Variants in PIAS3 observed in about 807,000 individuals in gnomAD.
PIAS3 encodes the protein E3 SUMO-protein ligase PIAS3.
In PIAS3, 34 loss-of-function variants were observed where a neutral mutation model predicts 67.6. The ratio of observed to expected loss-of-function variants is 0.50; its 90% CI spans 0.38 to 0.67. The LOEUF (loss-of-function observed/expected upper bound fraction) is 0.67, where lower values mean the gene tolerates loss of function less well. Ranked by LOEUF, PIAS3 falls within the 30% of genes least tolerant of loss-of-function variation. PIAS3 has a pLI of 0.00. For missense variants in PIAS3, 693 were observed against 791.6 expected (o/e 0.88, Z 1.49); for synonymous variants, 341 against 313.8 (o/e 1.09, Z -0.92).
At chr1:145,853,732 T>C (rs1335727641) in intron 8 of PIAS3, 68 bp from the exon 9 acceptor site, 1 of 1,606,768 alleles carries the variant, frequency 6.2e-7, no homozygotes, top group Non-Finnish European at 8.5e-7. Flanking sequence ...TTCACGCCAG[T>C]ATCCCTAGGA....
chr1:145,856,001 C>G lies in PIAS3; in HGVS notation c.578+67G>C, dbSNP rs1267747442. ...GAGCAGGGACATCTCGTAAGGGTAT[C>G]TGTCATACCCCTACTTCACTCCTAC... On this transcript the variant is annotated intron_variant, in intron 4 of 13. Transcript: ENST00000393045. The G allele has an allele frequency of 3.1e-6, 4 of 1,276,732 alleles. No homozygotes were observed. In the African/African-American group the frequency reaches 5.9e-5, roughly 19 times the overall value. 79.1% of individuals were successfully genotyped at this position (1,276,732 alleles called of 1,614,324 possible).
Position 145,855,762 on chromosome 1 carries a change from C to A in PIAS3, c.643G>T (p.Val215Phe), listed in dbSNP as rs781825042. 8 of 1,607,156 alleles carry A rather than the reference C, an allele frequency of 5.0e-6. No homozygotes were observed. The highest frequency in any genetic ancestry group is 6.8e-6 in the Non-Finnish European group (8 of 1,174,014). The part of the protein sequence containing the change: ...DYFPPNLFVK[V>F]NGKLCPLPGY... ...GGCAGGGGGCACAGTTTCCCATTGA[C>A]CTTGACAAAGAGGTTGGGGGGAAAA... Residue 215 changes from valine (V) to phenylalanine (F), a missense_variant, in exon 5 of 14, where the codon GTC (valine) becomes TTC (phenylalanine). Physicochemically the swap from Val to Phe is conservative, Grantham distance 50. Transcript: ENST00000393045.
intron 5 of PIAS3, among the ~76,000 whole-genome samples, chr1:145,855,259 A>G (rs191977653): frequency 1.8e-4 from 28 of 152,258 alleles, no homozygotes; most frequent in African/African-American, 5.8e-4. Flanking sequence ...AGGTGGGTGG[A>G]TCACCTGAGG....
Position 145,854,524 on chromosome 1 carries a change from C to T in PIAS3, c.844G>A (p.Ala282Thr). The T allele has an allele frequency of 6.2e-7, 1 of 1,614,118 alleles. No homozygotes were observed. The highest frequency in any genetic ancestry group is 8.5e-7 in the Non-Finnish European group (1 of 1,179,990). Residue 282 changes from alanine to threonine, a missense_variant, in exon 7 of 14, where the codon GCA becomes ACA. Around this residue, in one of 3 missense-constraint regions of PIAS3, gnomAD observed 115 missense variants for 181.8 expected, o/e 0.63. Coordinates refer to ENST00000393045, the MANE Select transcript of PIAS3 (RefSeq NM_006099.3). ...CTGAGTTTTTGTAGAAGGGTTCCTG[C>T]AGTCAACTGCCTCACCAGGTACACA... ...LSVYLVRQLT[A>T]GTLLQKLRAK...
intron 9 of PIAS3, among the ~76,000 whole-genome samples, 179 bp downstream of exon 9, chr1:145,853,325 G>A (rs587755373): frequency 6.6e-6 from 1 of 151,470 alleles, no homozygotes; most frequent in Non-Finnish European, 1.5e-5. Context: ...CAGGAGTATC[G>A]CCTGAACCCG....
In PIAS3 at chr1:145,848,970, T is replaced by C. The variant is rs1175403978; in HGVS notation, c.*476A>G. On this transcript the variant is annotated 3_prime_UTR_variant, in exon 14 of 14. Transcript: ENST00000393045. ...ATCTCTGAAACTGCCTGTCTCAGTT[T>C]TTCCACCTGTCTGTTTGGCCGAAGG... The C allele has an allele frequency of 6.2e-6, 1 of 161,032 alleles. No homozygotes were observed. Among genetic ancestry groups the C allele is most frequent in the Non-Finnish European group, 1.4e-5 (1 of 74,060 alleles). The allele number at this position is 161,032 out of a possible 1,614,324, so 10.0% of individuals were successfully genotyped here.
rs199530988 is a variant in PIAS3 at position 145,856,447 on chromosome 1, G to A, written c.443-16C>T. The A allele has an allele frequency of 1.4e-5, 22 of 1,612,982 alleles. 1 individual carries two copies. The South Asian group carries it at 2.3e-4, about 17-fold the overall frequency. On this transcript the variant is annotated splice_polypyrimidine_tract_variant and intron_variant, in intron 2 of 13. Transcript: ENST00000393045. Reference sequence around the variant, plus strand: ...GAAGTGGATGCTGAGGATACAAAGGGGCAGTTATTCCAAGCCCATGCACAG... The same window carrying A: ...GAAGTGGATGCTGAGGATACAAAGGAGCAGTTATTCCAAGCCCATGCACAG...
chr1:145,858,452 G>A (rs1342278016), intron 1 of PIAS3, among the ~76,000 whole-genome samples: 8 of 135,382 alleles, frequency 5.9e-5, no homozygotes, highest in Non-Finnish European at 1.3e-4. Context: ...GCACAGCCCC[G>A]CCCCCTGCAT....
At chr1:145,855,481 C>T (rs1407730099) in intron 5 of PIAS3, among the ~76,000 whole-genome samples, 3 of 143,626 alleles carry the variant, frequency 2.1e-5, no homozygotes, top group African/African-American at 7.4e-5. Flanking sequence ...GTGACTCTGT[C>T]TCAAAAAAAA....
intron 9 of PIAS3, 36 bp downstream of exon 9, chr1:145,853,468 G>A (rs201556293): frequency 2.7e-6 from 4 of 1,472,242 alleles, no homozygotes; most frequent in Non-Finnish European, 3.7e-6. Flanking sequence ...AGGTTCTAGT[G>A]GATGTCCTAG....
intron 13 of PIAS3, 185 bp from the exon 14 acceptor site, chr1:145,849,897 G>A: frequency 6.9e-7 from 1 of 1,449,132 alleles, no homozygotes. Flanking sequence ...TCCCTGCCTT[G>A]AGAGAGCTCC....
intron 13 of PIAS3, 53 bp downstream of exon 13, chr1:145,850,179 T>C: frequency 6.2e-7 from 1 of 1,613,026 alleles, no homozygotes; most frequent in Non-Finnish European, 8.5e-7. Flanking sequence ...CCCATCAGTG[T>C]CTAGAAAGGA....
rs782143167 is a variant in PIAS3, at chr1:145,849,496, A to C, written c.1837T>G (p.Ser613Ala). 5.2e-6 allele frequency: 8 copies of C among 1,532,102 alleles called. No individual in the cohort carries two copies. In the African/African-American group the frequency reaches 9.8e-5, roughly 19 times the overall value. The allele number at this position is 1,532,102 out of a possible 1,614,324, so 94.9% of individuals were successfully genotyped here. A position where few individuals can be genotyped will look rare whatever the true frequency, so the allele number is the denominator to read the frequency against. The change falls in exon 14 of 14, where the codon TCA (serine) becomes GCA (alanine). Residue 613 changes from serine to alanine, a missense_variant. This residue lies in a region of PIAS3 where 270 missense variants were observed against 261.0 expected (regional missense o/e 1.03). Coordinates refer to ENST00000393045, the MANE Select transcript of PIAS3 (RefSeq NM_006099.3). ...CGACAGCCAGTCAAAGAGGGACCTG[A>C]GGGCAGGGGTCCTCCATGCCCCTCC... is the stretch of plus-strand genomic sequence containing the variant. ...LREGHGGPLP[S>A]GPSLTGCRSD...
intron 1 of PIAS3, 22 bp downstream of exon 1, chr1:145,858,945 G>GA: frequency 6.6e-7 from 1 of 1,519,272 alleles, no homozygotes; most frequent in Non-Finnish European, 8.8e-7. Context: ...TCCAGATGGG[G>GA]ATGGGGGGAG....
rs142217740 is a variant in PIAS3 at position 145,856,832 on chromosome 1, G to A, written c.199C>T (p.Arg67Trp). Residue 67 changes from arginine to tryptophan, a missense_variant, in exon 2 of 14, where the codon CGG becomes TGG. Arg to Trp is a moderately radical substitution (Grantham distance 101). Transcript: ENST00000393045. ...AGATCAGAGGGCCCCAGGGTCTTCCGGGGAAAGCGTCGTCGGTAAAGCTCT... is the reference window on the plus strand; with the variant it reads ...AGATCAGAGGGCCCCAGGGTCTTCCAGGGAAAGCGTCGTCGGTAAAGCTCT... ...IKELYRRRFPRKTLGPSDLSL... is the reference protein window; with the variant it reads ...IKELYRRRFPWKTLGPSDLSL... 2.3e-4 allele frequency: 369 copies of A among 1,613,964 alleles called. No individual in the cohort carries two copies. Among genetic ancestry groups the A allele is most frequent in the Non-Finnish European group, 2.9e-4 (343 of 1,180,002 alleles).
Position 145,850,887 on chromosome 1 carries a change from C to A in PIAS3, c.1332G>T (p.Lys444Asn), listed in dbSNP as rs782752494. The change falls in exon 11 of 14, where the codon AAG (lysine) becomes AAT (asparagine). Residue 444 changes from lysine to asparagine, a missense_variant. Around this residue, in one of 3 missense-constraint regions of PIAS3, gnomAD observed 270 missense variants for 261.0 expected, o/e 1.03. Transcript: ENST00000393045. ...CTATTGTCAAGTCAATAACTTCGACCTTCTTCTTATTCTCTGATGGATCTC... is the reference window on the plus strand; with the variant it reads ...CTATTGTCAAGTCAATAACTTCGACATTCTTCTTATTCTCTGATGGATCTC... ...QGGDPSENKK[K>N]VEVIDLTIES... 6.8e-6 allele frequency: 11 copies of A among 1,614,036 alleles called. No individual in the cohort carries two copies. In the African/African-American group the frequency reaches 1.3e-4, roughly 20 times the overall value.
At position 145,849,676 on chromosome 1, in the gene PIAS3, G is replaced by A; in HGVS notation, c.1657C>T (p.Gln553Ter). 1 of 1,611,478 alleles carries A rather than the reference G, an allele frequency of 6.2e-7. No individual in the cohort carries two copies. Among genetic ancestry groups the A allele is most frequent in the Non-Finnish European group, 8.5e-7 (1 of 1,178,708 alleles). ...TGGAAGAAGTGGCCAAGGGCATCCT[G>A]TTCATCTAGTGAGGTGATGACAGAG... ...GPSVITSLDEQDALGHFFQYR... is the reference protein window; with the variant it reads ...GPSVITSLDE Residue 553 changes from glutamine to a stop codon, truncating the protein, a stop_gained, in exon 14 of 14, where the codon CAG (glutamine) becomes TAG (stop). Transcript: ENST00000393045. LOFTEE classifies it high-confidence loss of function.
In PIAS3 at chr1:145,849,287, G is replaced by A; in HGVS notation, c.*159C>T. On this transcript the variant is annotated 3_prime_UTR_variant, in exon 14 of 14. Coordinates refer to ENST00000393045, the MANE Select transcript of PIAS3 (RefSeq NM_006099.3). ...GTTAAATATTAACCCTTTGGGTGCT[G>A]GCCTTGTCAGGCAGAGATGAGGCCA... 3.4e-6 allele frequency: 2 copies of A among 587,776 alleles called. 1 individual carries two copies. The highest frequency in any genetic ancestry group is 9.0e-5 in the South Asian group (2 of 22,122). 36.4% of individuals were successfully genotyped at this position (587,776 alleles called of 1,614,324 possible).
intron 1 of PIAS3, 81 bp downstream of exon 1, chr1:145,858,886 G>A (rs1448718446): frequency 3.8e-6 from 5 of 1,311,012 alleles, no homozygotes; most frequent in South Asian, 1.6e-5. Flanking sequence ...CCCGAGCCCC[G>A]GCACCCAGTC....
Sources: gnomAD v4.1 joint callset for allele counts (sites outside exome capture counted in the v4.1 genomes callset) on GRCh38, gnomAD v4.1.1 for gene constraint, gnomAD v4.1.1 regional missense constraint, MANE v1.5 for transcripts, NCBI Gene and HGNC (gene_info 2026-07-23, HGNC 2026-07-21) for gene names.